The following CAMSAP2 variants were observed in gnomAD, a reference collection of about 807,000 sequenced individuals.
CAMSAP2 encodes calmodulin regulated spectrin associated protein family member 2, also known as calmodulin-regulated spectrin-associated protein 2.
In CAMSAP2, 26 loss-of-function variants were observed where a neutral mutation model predicts 146.1. The observed-to-expected ratio is 0.18, with a 90% CI of 0.13 to 0.25. The LOEUF (loss-of-function observed/expected upper bound fraction) is 0.25, where lower values mean the gene tolerates loss of function less well. Ranked by LOEUF, CAMSAP2 falls within the 10% of genes least tolerant of loss-of-function variation. The pLI, the probability that CAMSAP2 is intolerant of heterozygous loss-of-function variation, is 1.00. For synonymous variants in CAMSAP2, 499 were observed against 596.6 expected (o/e 0.84, Z 2.38); for missense variants, 1,381 against 1,759.3 (o/e 0.78, Z 3.85).
chr1:200,858,372 T>A lies in CAMSAP2; in HGVS notation c.*313T>A, dbSNP rs1667798693. The A allele has an allele frequency of 4.3e-6, 1 of 231,998 alleles. No individual in the cohort carries two copies. The highest frequency in any genetic ancestry group is 2.2e-5 in the African/African-American group (1 of 44,588). The allele number at this position is 231,998 out of a possible 1,614,324, so 14.4% of individuals were successfully genotyped here. On this transcript the variant is annotated 3_prime_UTR_variant, in exon 17 of 17. Transcript: ENST00000358823. ...TTTTCATGGATATTAGTTGGATTTA[T>A]CATTGAAATATGGTTAAGATTACAA...
Position 200,848,012 on chromosome 1 carries a change from T to C in CAMSAP2, c.1263-20T>C, listed in dbSNP as rs751375099. 6.9e-7 allele frequency: 1 copy of C among 1,440,774 alleles called. No individual in the cohort carries two copies. The highest frequency in any genetic ancestry group is 9.3e-7 in the Non-Finnish European group (1 of 1,075,170). The allele number at this position is 1,440,774 out of a possible 1,614,324, so 89.2% of individuals were successfully genotyped here. On this transcript the variant is annotated intron_variant, in intron 10 of 16. Coordinates refer to ENST00000358823, the MANE Select transcript of CAMSAP2 (RefSeq NM_203459.4). ...ATTTCTAGGATTTTTAAAGGATTTT[T>C]CTCTTTAACTTTTTTTTAGATCATC...
At chr1:200,841,562 T>A (rs947142613) in intron 6 of CAMSAP2, among the ~76,000 whole-genome samples, 3 of 152,202 alleles carry the variant, frequency 2.0e-5, no homozygotes, top group African/African-American at 7.2e-5. Context: ...AGTATTTTTT[T>A]AACACTACAT....
chr1:200,833,103 T>C (rs1667087129), intron 6 of CAMSAP2, among the ~76,000 whole-genome samples: 1 of 152,102 alleles, frequency 6.6e-6, no homozygotes, highest in South Asian at 2.1e-4. Context: ...AAATAAACCA[T>C]AGAACAAGAT....
chr1:200,817,018 GTATA>G (rs536877558), intron 4 of CAMSAP2, among the ~76,000 whole-genome samples: 5 of 137,122 alleles, frequency 3.6e-5, no homozygotes, highest in Non-Finnish European at 8.2e-5. Flanking sequence ...ACATACACAC[GTATA>G]TATGTGTATA....
intron 2 of CAMSAP2, among the ~76,000 whole-genome samples, chr1:200,776,615 T>C (rs1052741828): frequency 6.6e-6 from 1 of 151,980 alleles, no homozygotes; most frequent in Non-Finnish European, 1.5e-5. Flanking sequence ...ATCCCAGTAC[T>C]TGGGAGACGG....
chr1:200,796,462 A>G (rs1472705422), intron 2 of CAMSAP2, among the ~76,000 whole-genome samples: 2 of 152,094 alleles, frequency 1.3e-5, no homozygotes, highest in African/African-American at 4.8e-5. Flanking sequence ...CTTGAGCTTT[A>G]ATATGAATTT....
At chr1:200,774,120 A>G (rs780566563) in intron 2 of CAMSAP2, among the ~76,000 whole-genome samples, 13 of 152,120 alleles carry the variant, frequency 8.5e-5, no homozygotes, top group African/African-American at 1.2e-4. Context: ...ATGCTCCAAC[A>G]CTGCCATGAT....
intron 1 of CAMSAP2, among the ~76,000 whole-genome samples, chr1:200,741,465 C>T (rs1466112776): frequency 1.3e-5 from 2 of 152,210 alleles, no homozygotes; most frequent in Non-Finnish European, 2.9e-5. Flanking sequence ...AAGCCGGTAT[C>T]TATTTGGATG....
chr1:200,773,721 CAT>C (rs924725869), intron 2 of CAMSAP2, among the ~76,000 whole-genome samples: 24 of 151,974 alleles, frequency 1.6e-4, no homozygotes, highest in African/African-American at 5.5e-4. Context: ...TAGACACACA[CAT>C]ATAAATAATT....
chr1:200,854,505 AT>A (rs1254851083), intron 13 of CAMSAP2, among the ~76,000 whole-genome samples: 2 of 151,776 alleles, frequency 1.3e-5, no homozygotes, highest in African/African-American at 2.4e-5. Flanking sequence ...ATATTATGAA[AT>A]TTTTTTTTGT....
At chr1:200,813,827 G>C (rs1666399812) in intron 3 of CAMSAP2, among the ~76,000 whole-genome samples, 1 of 152,054 alleles carries the variant, frequency 6.6e-6, no homozygotes, top group African/African-American at 2.4e-5. Context: ...GGCTGGGTCT[G>C]GTGGCTCATG....
rs186312940 is a variant in CAMSAP2 at position 200,753,974 on chromosome 1, G to C, written c.140-6865G>C. The stretch of plus-strand genomic sequence containing the variant: ...GGCAGCCCCAGAGCAAAGATATTCA[G>C]ACAGATGAAAGTCTCCTTACCCCCA... On this transcript the variant is annotated intron_variant, in intron 1 of 16. Coordinates refer to ENST00000358823, the MANE Select transcript of CAMSAP2 (RefSeq NM_203459.4). Among the ~76,000 whole-genome samples the C allele has an allele frequency of 2.0e-5, 3 of 152,288 alleles. No individual in the cohort carries two copies. In the East Asian group the frequency reaches 5.8e-4, roughly 29 times the overall value.
intron 2 of CAMSAP2, among the ~76,000 whole-genome samples, chr1:200,806,698 C>T (rs1016021537): frequency 6.6e-6 from 1 of 151,912 alleles, no homozygotes; most frequent in African/African-American, 2.4e-5. Context: ...GAGGGAGGGG[C>T]ACTTCATATA....
chr1:200,787,613 T>C (rs775116766), intron 2 of CAMSAP2, among the ~76,000 whole-genome samples: 3 of 152,202 alleles, frequency 2.0e-5, no homozygotes, highest in Admixed American at 6.5e-5. Context: ...CAACAAACAA[T>C]GGATTTACAG....
chr1:200,851,210 T>C (rs1174799899), intron 11 of CAMSAP2, among the ~76,000 whole-genome samples: 1 of 152,192 alleles, frequency 6.6e-6, no homozygotes, highest in Non-Finnish European at 1.5e-5. Flanking sequence ...TTTATTTATT[T>C]ATTTTTTGAG....
chr1:200,825,181 G>A (rs900192367), intron 4 of CAMSAP2, among the ~76,000 whole-genome samples: 1 of 151,918 alleles, frequency 6.6e-6, no homozygotes, highest in African/African-American at 2.4e-5. Flanking sequence ...CCATTTTAGC[G>A]ATCTTTTTTG....
intron 2 of CAMSAP2, among the ~76,000 whole-genome samples, chr1:200,768,387 A>T (rs1665017105): frequency 6.6e-6 from 1 of 152,210 alleles, no homozygotes; most frequent in Admixed American, 6.5e-5. Flanking sequence ...TTGAGGGGTG[A>T]TAAGAAACGA....
intron 2 of CAMSAP2, among the ~76,000 whole-genome samples, chr1:200,789,384 T>G (rs958951530): frequency 2.0e-5 from 3 of 152,226 alleles, no homozygotes; most frequent in Non-Finnish European, 4.4e-5. Context: ...AGAGTCTTTT[T>G]TTTTTCATGT....
rs1476216295 is a variant in CAMSAP2, at chr1:200,857,915, C to T, written c.4293C>T (p.Tyr1431=). ...CTAAAAAAATGATTGAAGGACTTTA[C>T]AAATATAATTCTGACAGGAAACAGT... ...SITKKMIEGL[Y]KYNSDRKQFS... is the part of the protein sequence containing the mutation. The change falls in exon 17 of 17, where the codon TAC becomes TAT. Residue 1431 remains tyrosine, a synonymous_variant. Coordinates refer to ENST00000358823, the MANE Select transcript of CAMSAP2 (RefSeq NM_203459.4). The surrounding 1 kb of genome is among the most constrained non-coding windows in gnomAD (Gnocchi z 4.7). The T allele has an allele frequency of 1.2e-6, 2 of 1,613,686 alleles. No homozygotes were observed. The highest frequency in any genetic ancestry group is 1.3e-5 in the African/African-American group (1 of 74,886).
Sources: allele counts gnomAD v4.1 joint callset (sites outside exome capture counted in the v4.1 genomes callset), GRCh38; gene constraint gnomAD v4.1.1; non-coding constraint Gnocchi (gnomAD v3.1); transcripts MANE v1.5; gene names NCBI Gene and HGNC (gene_info 2026-07-23, HGNC 2026-07-21).